Variants in FSTL5 observed in about 807,000 individuals in gnomAD.
FSTL5 encodes the protein follistatin-related protein 5.
Under a neutral mutation model 89.1 loss-of-function variants are expected in FSTL5, and 62 were observed. The observed-to-expected ratio is 0.70, with a 90% CI of 0.57 to 0.86. The LOEUF is 0.86. FSTL5 is among the 40% of genes least tolerant of loss of function. FSTL5 has a pLI of 0.00. For synonymous variants in FSTL5, 383 were observed against 346.2 expected (o/e 1.11, Z -1.18); for missense variants, 1,057 against 1,001.6 (o/e 1.06, Z -0.75).
intron 13 of FSTL5, among the ~76,000 whole-genome samples, chr4:161,469,283 C>T (rs185153334): frequency 3.4e-4 from 52 of 152,232 alleles, no homozygotes; most frequent in Middle Eastern, 3.4e-3. Flanking sequence ...TATAATATTC[C>T]ATTGCATTTA....
At chr4:161,623,995 A>G (rs1416630542) in intron 7 of FSTL5, among the ~76,000 whole-genome samples, 1 of 152,052 alleles carries the variant, frequency 6.6e-6, no homozygotes, top group Non-Finnish European at 1.5e-5. Flanking sequence ...CACCATATTA[A>G]TGAATGTATG....
chr4:162,155,341 C>T (rs534876014), intron 1 of FSTL5, among the ~76,000 whole-genome samples: 2 of 152,090 alleles, frequency 1.3e-5, no homozygotes, highest in South Asian at 2.1e-4. Context: ...AGTTCTGAGC[C>T]GCAAAGAAAC....
intron 13 of FSTL5, among the ~76,000 whole-genome samples, chr4:161,461,456 G>A (rs1449371892): frequency 6.3e-5 from 3 of 47,948 alleles, no homozygotes; most frequent in African/African-American, 8.8e-5. Context: ...GCAAGACTCC[G>A]TCTCAAAAAA....
chr4:161,991,953 A>C (rs908419328), intron 3 of FSTL5, among the ~76,000 whole-genome samples: 1 of 152,196 alleles, frequency 6.6e-6, no homozygotes, highest in African/African-American at 2.4e-5. Flanking sequence ...CTGGGCAAAG[A>C]GACTTTCAGG....
intron 3 of FSTL5, among the ~76,000 whole-genome samples, chr4:161,978,523 C>G (rs1272516176): frequency 1.3e-5 from 2 of 151,954 alleles, no homozygotes; most frequent in African/African-American, 2.4e-5. Context: ...AACATTTTAT[C>G]AATTTATTTG....
intron 2 of FSTL5, among the ~76,000 whole-genome samples, chr4:162,045,247 T>G (rs1180005136): frequency 2.0e-5 from 3 of 152,134 alleles, no homozygotes; most frequent in Non-Finnish European, 4.4e-5. Flanking sequence ...TGGCCTAATT[T>G]CAGTATTATT....
intron 15 of FSTL5, among the ~76,000 whole-genome samples, chr4:161,446,020 A>G (rs1044752817): frequency 1.3e-5 from 2 of 152,042 alleles, no homozygotes; most frequent in African/African-American, 4.8e-5. Context: ...AATAACTGGT[A>G]ATTTCTTTAT....
At chr4:161,951,147 G>A (rs1734883305) in intron 3 of FSTL5, among the ~76,000 whole-genome samples, 1 of 151,978 alleles carries the variant, frequency 6.6e-6, no homozygotes, top group South Asian at 2.1e-4. Context: ...TGCCATATAA[G>A]ATGTGCCTTT....
At chr4:161,665,165 C>T (rs1275519176) in intron 6 of FSTL5, among the ~76,000 whole-genome samples, 1 of 152,134 alleles carries the variant, frequency 6.6e-6, no homozygotes, top group Non-Finnish European at 1.5e-5. Context: ...CACATATACG[C>T]CTGAACCTAA....
intron 2 of FSTL5, among the ~76,000 whole-genome samples, chr4:162,064,753 A>C (rs1385529809): frequency 6.6e-6 from 1 of 152,006 alleles, no homozygotes; most frequent in East Asian, 1.9e-4. Context: ...CATAATAGAA[A>C]TCCCAAGAAC....
chr4:161,687,946 T>G (rs1737801107), intron 6 of FSTL5, among the ~76,000 whole-genome samples: 1 of 152,220 alleles, frequency 6.6e-6, no homozygotes, highest in African/African-American at 2.4e-5. Flanking sequence ...GTTCCTTCTT[T>G]TCTGCTCCTC....
chr4:162,159,088 TTTTCATGTAAGGACA>T (rs1467224232), intron 1 of FSTL5, among the ~76,000 whole-genome samples: 1 of 152,064 alleles, frequency 6.6e-6, no homozygotes, highest in Non-Finnish European at 1.5e-5. Context: ...GGCATTTGTG[TTTTCATGTAAGGACA>T]TTTACTTTTA....
At chr4:161,563,217 C>T (rs1441166251) in intron 8 of FSTL5, among the ~76,000 whole-genome samples, 1 of 151,952 alleles carries the variant, frequency 6.6e-6, no homozygotes, top group Non-Finnish European at 1.5e-5. Flanking sequence ...ACTTGGGTTG[C>T]TTCCATATTT....
rs1553983484 is a variant in FSTL5 at position 161,929,687 on chromosome 4, G to GTGTGTATA, written c.161-9036_161-9035insTATACACA. 3.1e-3 allele frequency among the ~76,000 whole-genome samples: 360 copies of GTGTGTATA among 116,608 alleles called. 2 individuals are homozygous for GTGTGTATA. The highest frequency in any genetic ancestry group is 9.8e-3 in the African/African-American group (349 of 35,778). The allele number at this position is 116,608 out of a possible 152,430, so 76.5% of individuals were successfully genotyped here. A position where few individuals can be genotyped will look rare whatever the true frequency, so the allele number is the denominator to read the frequency against. ...TGTGTGTGTGTGTGTGTGTGTGTGT[G>GTGTGTATA]TGTGTGTGTGTGTGTACATAGTTTA... On this transcript the variant is annotated intron_variant, in intron 3 of 15. Transcript: ENST00000306100.
At chr4:161,928,097 T>C (rs934582427) in intron 3 of FSTL5, among the ~76,000 whole-genome samples, 1 of 151,882 alleles carries the variant, frequency 6.6e-6, no homozygotes, top group African/African-American at 2.4e-5. Context: ...ATTGCTGATA[T>C]ATTTAATGGC....
chr4:161,392,989 A>C (rs2110881078), intron 15 of FSTL5, among the ~76,000 whole-genome samples: 1 of 151,768 alleles, frequency 6.6e-6, no homozygotes, highest in South Asian at 2.1e-4. Flanking sequence ...CATGACAAAA[A>C]CCTGTCTCTA....
chr4:162,098,542 G>T (rs1730859821), intron 2 of FSTL5, among the ~76,000 whole-genome samples: 1 of 151,950 alleles, frequency 6.6e-6, no homozygotes, highest in Non-Finnish European at 1.5e-5. Context: ...CAAAACCCCA[G>T]AAAGTTATTT....
chr4:161,694,647 T>G (rs1284108635), intron 6 of FSTL5, among the ~76,000 whole-genome samples: 1 of 152,076 alleles, frequency 6.6e-6, no homozygotes, highest in Non-Finnish European at 1.5e-5. Flanking sequence ...AAATGATTTT[T>G]GTTATTTTTT....
intron 12 of FSTL5, among the ~76,000 whole-genome samples, chr4:161,492,516 C>T (rs554939666): frequency 3.3e-4 from 50 of 152,156 alleles, no homozygotes; most frequent in Middle Eastern, 3.4e-3. Context: ...ACAGCAGCTG[C>T]TTTAATTCTA....
Sources: gnomAD v4.1 joint callset for allele counts (sites outside exome capture counted in the v4.1 genomes callset) on GRCh38, gnomAD v4.1.1 for gene constraint, MANE v1.5 for transcripts, NCBI Gene and HGNC (gene_info 2026-07-23, HGNC 2026-07-21) for gene names.